The following PCDHGB7 variants were observed in gnomAD, a reference collection of about 807,000 sequenced individuals.
The protein encoded by PCDHGB7 is protocadherin gamma subfamily B, 7.
In PCDHGB7, 37 loss-of-function variants were observed where a neutral mutation model predicts 61.4. That is an observed-to-expected ratio of 0.60 (90% CI 0.46 to 0.79). The LOEUF (loss-of-function observed/expected upper bound fraction) is 0.79, where lower values mean the gene tolerates loss of function less well. Among genes scored for constraint, PCDHGB7 ranks in the 30% least tolerant of loss-of-function variants. The pLI is 0.00. For missense variants in PCDHGB7, 1,166 were observed against 1,202.5 expected, an observed-to-expected ratio of 0.97 and a Z score of 0.45; for synonymous variants, 464 against 503.5, an observed-to-expected ratio of 0.92 and a Z score of 1.05.
At chr5:141,427,192 A>T (rs1191677237) in intron 1 of PCDHGB7, 1 of 456,566 alleles carries the variant, frequency 2.2e-6, no homozygotes. Context: ...AAATCCAAAG[A>T]CTTAATAGAC....
At position 141,487,051 on chromosome 5, in the gene PCDHGB7, G is replaced by A. The variant is rs1348441475; in HGVS notation, c.2416-7756G>A. The A allele has an allele frequency of 3.7e-6, 6 of 1,614,024 alleles. No individual in the cohort carries two copies. The highest frequency in any genetic ancestry group is 5.1e-6 in the Non-Finnish European group (6 of 1,180,024). On this transcript the variant is annotated intron_variant, in intron 1 of 3. Coordinates refer to ENST00000398594, the MANE Select transcript of PCDHGB7 (RefSeq NM_018927.4). This position sits in a 1 kb window ranked among gnomAD's most constrained non-coding sequence, Gnocchi z 5.0. ...TGTTTGCAGTCTCTCGATATGCTGG[G>A]GAGGTGCGGACGGCTGTTCCTATCC... is the stretch of plus-strand genomic sequence containing the variant.
intron 1 of PCDHGB7, chr5:141,430,554 A>G (rs372392559): frequency 3.2e-5 from 13 of 411,906 alleles, no homozygotes; most frequent in Admixed American, 4.0e-5. Context: ...CTGTTCACCA[A>G]TCGGGGAGAG....
chr5:141,483,573 G>A (rs2099583012), intron 1 of PCDHGB7, among the ~76,000 whole-genome samples: 1 of 152,072 alleles, frequency 6.6e-6, no homozygotes, highest in Non-Finnish European at 1.5e-5. Context: ...GTGAATTCTG[G>A]CATAAACACC....
rs36031641 is a variant in PCDHGB7 at position 141,434,771 on chromosome 5, T to TA, written c.2415+14510dup. ...CCCCTGATTCCCCACTTCACACTTCTAAAAAAAAAAAAATTTTTTTTTCTG... is the reference window on the plus strand; with the variant it reads ...CCCCTGATTCCCCACTTCACACTTCTAAAAAAAAAAAAAATTTTTTTTTCTG... On this transcript the variant is annotated intron_variant, in intron 1 of 3. Coordinates refer to ENST00000398594, the MANE Select transcript of PCDHGB7 (RefSeq NM_018927.4). Among the ~76,000 whole-genome samples, 71 of 145,288 alleles carry TA rather than the reference T, an allele frequency of 4.9e-4. 1 individual carries two copies. The highest frequency in any genetic ancestry group is 3.6e-3 in the Middle Eastern group (1 of 278).
In PCDHGB7 at chr5:141,419,723, C is replaced by G. The variant is rs373666366; in HGVS notation, c.1864C>G (p.Arg622Gly). 1 of 1,613,174 alleles carries G rather than the reference C, an allele frequency of 6.2e-7. No homozygotes were observed. The highest frequency in any genetic ancestry group is 1.3e-5 in the African/African-American group (1 of 74,950). ...SEPGLFSLGL[R>G]TGEVRMVRAL... ...GCCCGGGCTCTTCAGCCTGGGGCTGCGAACAGGCGAGGTGCGCATGGTGCG... is the reference window on the plus strand; with the variant it reads ...GCCCGGGCTCTTCAGCCTGGGGCTGGGAACAGGCGAGGTGCGCATGGTGCG... Residue 622 changes from arginine to glycine, a missense_variant, in exon 1 of 4, where the codon CGA becomes GGA. Physicochemically the swap from Arg to Gly is moderately radical, Grantham distance 125 (BLOSUM62 -2). Transcript: ENST00000398594.
At chr5:141,460,795 G>A (rs1007673184) in intron 1 of PCDHGB7, among the ~76,000 whole-genome samples, 3 of 151,492 alleles carry the variant, frequency 2.0e-5, no homozygotes, top group African/African-American at 4.9e-5. Flanking sequence ...TACACACAAA[G>A]TATATATATG....
rs200491568 is a variant in PCDHGB7, at chr5:141,493,146, G to A, written c.2416-1661G>A. 9.6e-6 allele frequency among the ~76,000 whole-genome samples: 1 copy of A among 104,172 alleles called. No homozygotes were observed. The highest frequency in any genetic ancestry group is 3.1e-5 in the African/African-American group (1 of 32,680). 68.3% of individuals were successfully genotyped at this position (104,172 alleles called of 152,430 possible). A position where few individuals can be genotyped will look rare whatever the true frequency, so the allele number is the denominator to read the frequency against. On this transcript the variant is annotated intron_variant, in intron 1 of 3. Transcript: ENST00000398594. The surrounding 1 kb of genome is among the most constrained non-coding windows in gnomAD (Gnocchi z 4.3). ...AGGACTGTATTTTGAAACACCCCCA[G>A]GTGATTTTGATAGCTGATTGAGAGA... is the stretch of plus-strand genomic sequence containing the variant.
At chr5:141,498,338 G>A (rs2237079) in intron 2 of PCDHGB7, among the ~76,000 whole-genome samples, 68,665 of 151,630 alleles carry the variant, frequency 0.45, 15,766 homozygotes, top group Admixed American at 0.55. Flanking sequence ...CATTCCAAAT[G>A]GGAAAAGCCT....
chr5:141,422,260 G>A, intron 1 of PCDHGB7: 1 of 1,564,392 alleles, frequency 6.4e-7, no homozygotes, highest in South Asian at 1.2e-5. Context: ...GAATGATAAC[G>A]CTCCAGAAAT....
chr5:141,472,071 A>T (rs1243864250), intron 1 of PCDHGB7, among the ~76,000 whole-genome samples: 5 of 152,200 alleles, frequency 3.3e-5, no homozygotes, highest in South Asian at 2.1e-4. Context: ...GTCTGTGGTT[A>T]TATCAATGAG....
rs983317324 is a variant in PCDHGB7, at chr5:141,431,891, G to A, written c.2415+11617G>A. The stretch of plus-strand genomic sequence containing the variant: ...AAATGTAAATGACCAAGATTCTGAG[G>A]AAAACGGACAGGTGATCTGTTTCAT... On this transcript the variant is annotated intron_variant, in intron 1 of 3. Transcript: ENST00000398594. The surrounding 1 kb of genome is among the most constrained non-coding windows in gnomAD (Gnocchi z 4.8). 16 of 1,614,072 alleles carry A rather than the reference G, an allele frequency of 9.9e-6. No homozygotes were observed. The highest frequency in any genetic ancestry group is 2.7e-5 in the African/African-American group (2 of 74,934).
intron 1 of PCDHGB7, among the ~76,000 whole-genome samples, chr5:141,446,882 G>A (rs1419213225): frequency 1.3e-5 from 2 of 152,086 alleles, no homozygotes; most frequent in African/African-American, 4.8e-5. Flanking sequence ...TATGTTTTGG[G>A]GTTCATGGCT....
In PCDHGB7 at chr5:141,490,682, C is replaced by T. The variant is rs1286126848; in HGVS notation, c.2416-4125C>T. On this transcript the variant is annotated intron_variant, in intron 1 of 3. Coordinates refer to ENST00000398594, the MANE Select transcript of PCDHGB7 (RefSeq NM_018927.4). The surrounding 1 kb of genome is among the most constrained non-coding windows in gnomAD (Gnocchi z 5.4). ...CTTTGCACTGTGGCTGCCTCAGATC[C>T]AGACACTGGGGATAATGCCCGCCTC... 10 of 1,614,054 alleles carry T rather than the reference C, an allele frequency of 6.2e-6. No homozygotes were observed. The highest frequency in any genetic ancestry group is 3.3e-5 in the Admixed American group (2 of 60,008).
At chr5:141,468,330 CAAA>C (rs533390277) in intron 1 of PCDHGB7, 32,113 of 79,068 alleles carry the variant, frequency 0.41, 3,870 homozygotes, top group African/African-American at 0.52. Flanking sequence ...AACTCCATCT[CAAA>C]AAAAAAAAAA....
In PCDHGB7 at chr5:141,492,559, C is replaced by A. The variant is rs533830391; in HGVS notation, c.2416-2248C>A. ...GGGCTGGGCCGGGTCGCCTGGGGGG[C>A]GGCCTGAGCGAGGCGCGGGGCCAGG... On this transcript the variant is annotated intron_variant, in intron 1 of 3. Coordinates refer to ENST00000398594, the MANE Select transcript of PCDHGB7 (RefSeq NM_018927.4). 2.6e-5 allele frequency among the ~76,000 whole-genome samples: 4 copies of A among 152,292 alleles called. No individual in the cohort carries two copies. The East Asian group carries it at 7.7e-4, about 29-fold the overall frequency.
Position 141,437,485 on chromosome 5 carries a change from C to T in PCDHGB7, c.2415+17211C>T, listed in dbSNP as rs372023505. The stretch of plus-strand genomic sequence containing the variant: ...TATACTTTTATAGCATATTTAATCT[C>T]GTAGATCACTTTTCAATGAATTATA... On this transcript the variant is annotated intron_variant, in intron 1 of 3. Transcript: ENST00000398594. Among the ~76,000 whole-genome samples, 16 of 152,188 alleles carry T rather than the reference C, an allele frequency of 1.1e-4. No individual in the cohort carries two copies. In the East Asian group the frequency reaches 2.9e-3, roughly 28 times the overall value.
chr5:141,419,214 T>C lies in PCDHGB7; in HGVS notation c.1355T>C (p.Phe452Ser). The change falls in exon 1 of 4, where the codon TTC (phenylalanine) becomes TCC (serine). Residue 452 changes from phenylalanine to serine, a missense_variant. Phe to Ser is a radical substitution (Grantham distance 155). Coordinates refer to ENST00000398594, the MANE Select transcript of PCDHGB7 (RefSeq NM_018927.4). ...GACGTCAATGACAACGCGCCGGTTT[T>C]CGGACAGTCAGCCTACCTGGTCCAC... Reference protein sequence around the residue: ...ITDVNDNAPVFGQSAYLVHVP... With the variant: ...ITDVNDNAPVSGQSAYLVHVP... 1.9e-6 allele frequency: 3 copies of C among 1,613,986 alleles called. No individual in the cohort carries two copies. In the South Asian group the frequency reaches 3.3e-5, roughly 18 times the overall value.
intron 1 of PCDHGB7, chr5:141,441,917 A>G (rs979307331): frequency 3.1e-5 from 11 of 352,364 alleles, no homozygotes; most frequent in African/African-American, 2.0e-4. Context: ...GATGTGAGAC[A>G]CAATGCGTGG....
rs1188870363 is a variant in PCDHGB7 at position 141,490,058 on chromosome 5, C to A, written c.2416-4749C>A. 16 of 1,614,230 alleles carry A rather than the reference C, an allele frequency of 9.9e-6. No individual in the cohort carries two copies. In the East Asian group the frequency reaches 3.6e-4, roughly 36 times the overall value. The stretch of plus-strand genomic sequence containing the variant: ...AATGCCACTGATCCAGACGAGGGCA[C>A]CAACGGCCAACTAGACTATTCTTTT... On this transcript the variant is annotated intron_variant, in intron 1 of 3. Coordinates refer to ENST00000398594, the MANE Select transcript of PCDHGB7 (RefSeq NM_018927.4). This position sits in a 1 kb window ranked among gnomAD's most constrained non-coding sequence, Gnocchi z 5.4.
Sources: allele counts gnomAD v4.1 joint callset (sites outside exome capture counted in the v4.1 genomes callset), GRCh38; gene constraint gnomAD v4.1.1; non-coding constraint Gnocchi (gnomAD v3.1); transcripts MANE v1.5; gene names NCBI Gene and HGNC (gene_info 2026-07-23, HGNC 2026-07-21).